The following KCNAB2 variants were observed in gnomAD, a reference collection of about 807,000 sequenced individuals.
The protein encoded by KCNAB2 is potassium voltage-gated channel subfamily A regulatory beta subunit 2.
Under a neutral mutation model 63.6 loss-of-function variants are expected in KCNAB2, and 29 were observed. That is an observed-to-expected ratio of 0.46 (90% CI 0.34 to 0.62). The LOEUF is 0.62. Among genes scored for constraint, KCNAB2 ranks in the 20% least tolerant of loss-of-function variants. The pLI, the probability that KCNAB2 is intolerant of heterozygous loss-of-function variation, is 0.01. For synonymous variants in KCNAB2, 222 were observed against 224.2 expected, an observed-to-expected ratio of 0.99 and a Z score of 0.09; for missense variants, 359 against 563.9, an observed-to-expected ratio of 0.64 and a Z score of 3.68.
intron 1 of KCNAB2, among the ~76,000 whole-genome samples, chr1:6,049,161 C>T (rs1049072762): frequency 2.6e-5 from 4 of 152,264 alleles, no homozygotes; most frequent in Non-Finnish European, 5.9e-5. Context: ...GCCCCGCCCC[C>T]ACCAACAGCT....
intron 1 of KCNAB2, among the ~76,000 whole-genome samples, chr1:6,039,825 G>A (rs1288790299): frequency 6.6e-6 from 1 of 152,222 alleles, no homozygotes; most frequent in Non-Finnish European, 1.5e-5. Flanking sequence ...CTGCCCCAAG[G>A]GCCTCTCCAA....
Position 6,079,676 on chromosome 1 carries a change from C to A in KCNAB2, c.301-2519C>A, listed in dbSNP as rs115601814. ...CTAAGGTGCCTAGAGTAGTTAAATT[C>A]ATAAATACCAGAGAATGATGGGTGC... On this transcript the variant is annotated intron_variant, in intron 4 of 15. Transcript: ENST00000378083. Among the ~76,000 whole-genome samples the A allele has an allele frequency of 6.7e-3, 1,022 of 152,198 alleles. 11 individuals are homozygous for A. The highest frequency in any genetic ancestry group is 0.023 in the African/African-American group (973 of 41,508).
At chr1:6,002,645 C>T (rs755396103) in intron 1 of KCNAB2, among the ~76,000 whole-genome samples, 10 of 152,180 alleles carry the variant, frequency 6.6e-5, no homozygotes, top group Non-Finnish European at 1.5e-4. Context: ...CTGCAGAAAC[C>T]ATCCCAGCAC....
chr1:5,996,463 G>A (rs546761845), intron 1 of KCNAB2, among the ~76,000 whole-genome samples: 1 of 152,320 alleles, frequency 6.6e-6, no homozygotes, highest in South Asian at 2.1e-4. Context: ...GCTGGCCAGC[G>A]TCTCAGGAGG....
chr1:6,074,078 C>G lies in KCNAB2; in HGVS notation c.300+308C>G, dbSNP rs1267316661. 5.3e-5 allele frequency among the ~76,000 whole-genome samples: 8 copies of G among 152,188 alleles called. 1 individual carries two copies. The South Asian group carries it at 1.7e-3, about 32-fold the overall frequency. ...CGCGTGACCCCCATTCCACAGTTAA[C>G]GAGGAGAATTCAGGGTGCACACGCT... is the stretch of plus-strand genomic sequence containing the variant. On this transcript the variant is annotated intron_variant, in intron 4 of 15. Coordinates refer to ENST00000378083, the MANE Select transcript of KCNAB2 (RefSeq NM_001199862.2). This position sits in a 1 kb window ranked among gnomAD's most constrained non-coding sequence, Gnocchi z 4.9.
intron 1 of KCNAB2, among the ~76,000 whole-genome samples, chr1:6,000,016 C>T (rs1354735730): frequency 6.6e-6 from 1 of 150,542 alleles, no homozygotes; most frequent in Admixed American, 6.6e-5. Flanking sequence ...CTCTCTGCAC[C>T]CTGTCTGCGC....
intron 4 of KCNAB2, among the ~76,000 whole-genome samples, chr1:6,080,751 G>T (rs928763797): frequency 6.6e-5 from 10 of 152,168 alleles, no homozygotes; most frequent in Non-Finnish European, 1.5e-4. Context: ...CAGCATTTGG[G>T]CATGGGCCTT....
chr1:6,030,869 G>T (rs1193071415), upstream of KCNAB2, among the ~76,000 whole-genome samples: 1 of 146,288 alleles, frequency 6.8e-6, no homozygotes, highest in Non-Finnish European at 1.5e-5. Context: ...TGTATGTGTA[G>T]GTGTGTGTAT....
intron 1 of KCNAB2, among the ~76,000 whole-genome samples, chr1:6,012,050 G>GGGTGGAGGTGATGAA (rs1331736362): frequency 1.9e-4 from 29 of 151,598 alleles, no homozygotes; most frequent in African/African-American, 5.3e-4. Context: ...TGGAGGTGGT[G>GGGTGGAGGTGATGAA]GGTGGAGGTG....
In KCNAB2 at chr1:6,073,155, T is replaced by A. The variant is rs1663362190; in HGVS notation, c.262+357T>A. Among the ~76,000 whole-genome samples, 1 of 151,904 alleles carries A rather than the reference T, an allele frequency of 6.6e-6. No individual in the cohort carries two copies. The highest frequency in any genetic ancestry group is 1.5e-5 in the Non-Finnish European group (1 of 67,964). ...TTCCAAGGCAGGCTCAGCTCGTGAGTCCCTCCTGGAGCGCCATTGGATTTG... is the reference window on the plus strand; with the variant it reads ...TTCCAAGGCAGGCTCAGCTCGTGAGACCCTCCTGGAGCGCCATTGGATTTG... On this transcript the variant is annotated intron_variant, in intron 3 of 15. Coordinates refer to ENST00000378083, the MANE Select transcript of KCNAB2 (RefSeq NM_001199862.2). The surrounding 1 kb of genome is among the most constrained non-coding windows in gnomAD (Gnocchi z 5.7).
At chr1:6,081,605 G>T (rs1029737327) in intron 4 of KCNAB2, among the ~76,000 whole-genome samples, 1 of 151,704 alleles carries the variant, frequency 6.6e-6, no homozygotes, top group Non-Finnish European at 1.5e-5. Flanking sequence ...CCCTGTAAAG[G>T]CTCGGGGGAG....
At chr1:6,004,073 C>T (rs894450200) in intron 1 of KCNAB2, among the ~76,000 whole-genome samples, 8 of 152,102 alleles carry the variant, frequency 5.3e-5, no homozygotes, top group South Asian at 2.1e-4. Context: ...GGATCACAAA[C>T]GCAAATACAG....
rs1240798509 is a variant in KCNAB2 at position 6,073,457 on chromosome 1, A to G, written c.263-276A>G. ...CTTGGAACTAGAGCTGCCTCAGTAC[A>G]GCTCTGACCAGCATTTCAAAAGCCC... On this transcript the variant is annotated intron_variant, in intron 3 of 15. Coordinates refer to ENST00000378083, the MANE Select transcript of KCNAB2 (RefSeq NM_001199862.2). This position sits in a 1 kb window ranked among gnomAD's most constrained non-coding sequence, Gnocchi z 5.7. 6.6e-6 allele frequency among the ~76,000 whole-genome samples: 1 copy of G among 152,184 alleles called. No homozygotes were observed. The highest frequency in any genetic ancestry group is 2.4e-5 in the African/African-American group (1 of 41,432).
At chr1:6,098,049 C>T (rs931412691) in intron 15 of KCNAB2, 11 of 564,522 alleles carry the variant, frequency 1.9e-5, no homozygotes, top group East Asian at 2.7e-4. Context: ...GTGGGGCCCC[C>T]GGGACTGGCT....
intron 10 of KCNAB2, among the ~76,000 whole-genome samples, chr1:6,091,806 C>G (rs920019039): frequency 6.6e-6 from 1 of 152,208 alleles, no homozygotes; most frequent in Non-Finnish European, 1.5e-5. Flanking sequence ...CACGCTGCCC[C>G]GTCCACAGCA....
At chr1:6,084,466 T>G (rs192338703) in intron 5 of KCNAB2, among the ~76,000 whole-genome samples, 79 of 152,310 alleles carry the variant, frequency 5.2e-4, no homozygotes, top group African/African-American at 1.4e-3. Context: ...TGACCCTGAG[T>G]ACATGTTGAT....
chr1:6,053,920 G>A (rs146535792), intron 2 of KCNAB2, among the ~76,000 whole-genome samples: 164 of 152,050 alleles, frequency 1.1e-3, no homozygotes, highest in Middle Eastern at 3.4e-3. Flanking sequence ...ACACATGCCT[G>A]TGGTCCCAGC....
Position 6,035,641 on chromosome 1 carries a change from G to C in KCNAB2, c.-53+847G>C, listed in dbSNP as rs921097216. Reference sequence around the variant, plus strand: ...GGCCACCCTGGGAAGAACTGGGCTGGGGGTGAGGGCAGTCGGGAGCTCAGT... The same window carrying C: ...GGCCACCCTGGGAAGAACTGGGCTGCGGGTGAGGGCAGTCGGGAGCTCAGT... On this transcript the variant is annotated intron_variant, in intron 1 of 15. Coordinates refer to the KCNAB2 transcript ENST00000164247. This position sits in a 1 kb window ranked among gnomAD's most constrained non-coding sequence, Gnocchi z 5.0. Among the ~76,000 whole-genome samples, 2 of 152,120 alleles carry C rather than the reference G, an allele frequency of 1.3e-5. No homozygotes were observed. Among genetic ancestry groups the C allele is most frequent in the Non-Finnish European group, 2.9e-5 (2 of 68,010 alleles).
chr1:6,067,964 G>T (rs929158408), intron 2 of KCNAB2, among the ~76,000 whole-genome samples: 1 of 152,204 alleles, frequency 6.6e-6, no homozygotes, highest in Admixed American at 6.5e-5. Flanking sequence ...TCAGGAGGCA[G>T]AGGTTGCAGT....
Sources: allele counts gnomAD v4.1 joint callset (sites outside exome capture counted in the v4.1 genomes callset), GRCh38; gene constraint gnomAD v4.1.1; non-coding constraint Gnocchi (gnomAD v3.1); transcripts MANE v1.5; gene names NCBI Gene and HGNC (gene_info 2026-07-23, HGNC 2026-07-21).